The following ALPK2 variants were observed in gnomAD, a reference collection of about 807,000 sequenced individuals.
The protein encoded by ALPK2 is alpha-protein kinase 2.
A neutral mutation model predicts 163.1 loss-of-function variants in ALPK2; 127 were observed. The ratio of observed to expected loss-of-function variants is 0.78; its 90% confidence interval spans 0.67 to 0.90. ALPK2 has a LOEUF of 0.90. ALPK2 is among the 40% of genes least tolerant of loss of function. The probability of loss-of-function intolerance (pLI) is 0.00; values close to 1 mark genes in which losing one functional copy is unlikely to be tolerated. For missense variants in ALPK2, 2,360 were observed against 2,589.6 expected (o/e 0.91, Z 1.92); for synonymous variants, 953 against 959.1 (o/e 0.99, Z 0.12).
At chr18:58,538,446 A>G (rs2051669918) in intron 4 of ALPK2, 1 of 492,714 alleles carries the variant, frequency 2.0e-6, no homozygotes, top group South Asian at 3.8e-5. Context: ...TGTCAAATTC[A>G]TCATTATAAG....
intron 12 of ALPK2, among the ~76,000 whole-genome samples, chr18:58,494,344 C>A (rs2051390771): frequency 6.6e-6 from 1 of 151,928 alleles, no homozygotes; most frequent in Admixed American, 6.6e-5. Flanking sequence ...TCTCTGGCTC[C>A]CAAGAGAAAT....
chr18:58,579,939 T>C lies in ALPK2; in HGVS notation c.837A>G (p.Ala279=). The change falls in exon 4 of 13, where the codon GCA becomes GCG. Residue 279 remains alanine, a synonymous_variant. Transcript: ENST00000361673. ...YISFSLPLSE[A]TAHIYPGDSA... ...TGTCACCTGGGTAAATGTGTGCAGTTGCCTCAGATAGCGGGAGGCTGAAGC... is the reference window on the plus strand; with the variant it reads ...TGTCACCTGGGTAAATGTGTGCAGTCGCCTCAGATAGCGGGAGGCTGAAGC... 6.2e-7 allele frequency: 1 copy of C among 1,614,212 alleles called. No individual in the cohort carries two copies. Among genetic ancestry groups the C allele is most frequent in the Non-Finnish European group, 8.5e-7 (1 of 1,180,040 alleles).
intron 4 of ALPK2, among the ~76,000 whole-genome samples, chr18:58,550,442 T>TCC: frequency 7.2e-6 from 1 of 138,974 alleles, no homozygotes; most frequent in Non-Finnish European, 1.5e-5. Flanking sequence ...TACCCCCATC[T>TCC]ATATCATATA....
At chr18:58,504,854 A>AG (rs1287140414) in intron 10 of ALPK2, among the ~76,000 whole-genome samples, 2 of 152,084 alleles carry the variant, frequency 1.3e-5, no homozygotes, top group African/African-American at 4.8e-5. Flanking sequence ...ATAGGAAGTG[A>AG]GGGGAGCCAT....
At chr18:58,559,132 G>C (rs992759162) in intron 4 of ALPK2, among the ~76,000 whole-genome samples, 1 of 152,176 alleles carries the variant, frequency 6.6e-6, no homozygotes, top group African/African-American at 2.4e-5. Context: ...ATTAGTGATG[G>C]TATATAATCT....
intron 5 of ALPK2, among the ~76,000 whole-genome samples, chr18:58,532,151 T>C (rs1309093723): frequency 6.6e-6 from 1 of 152,090 alleles, no homozygotes; most frequent in Non-Finnish European, 1.5e-5. Context: ...AAATAACATG[T>C]CCTTAATAAA....
chr18:58,491,656 C>A (rs893242538), intron 12 of ALPK2, among the ~76,000 whole-genome samples: 1 of 152,158 alleles, frequency 6.6e-6, no homozygotes, highest in Non-Finnish European at 1.5e-5. Context: ...CCCCCAATCC[C>A]CAAATTTTCA....
At chr18:58,626,210 C>G (rs761849404) in intron 1 of ALPK2, among the ~76,000 whole-genome samples, 3 of 152,130 alleles carry the variant, frequency 2.0e-5, no homozygotes, top group Non-Finnish European at 2.9e-5. Context: ...AGAAAGATGT[C>G]TGATAAAGTT....
intron 11 of ALPK2, among the ~76,000 whole-genome samples, chr18:58,502,499 C>T (rs1056426193): frequency 2.6e-5 from 4 of 152,228 alleles, no homozygotes; most frequent in Non-Finnish European, 4.4e-5. Context: ...AATTTGCCCA[C>T]AGGCTACCAG....
At chr18:58,482,351 C>A (rs752182321) in intron 12 of ALPK2, among the ~76,000 whole-genome samples, 1 of 152,146 alleles carries the variant, frequency 6.6e-6, no homozygotes, top group East Asian at 1.9e-4. Flanking sequence ...GCCACAATGA[C>A]CAGTGCTGGG....
chr18:58,489,071 C>A (rs919430927), intron 12 of ALPK2, among the ~76,000 whole-genome samples: 1 of 152,100 alleles, frequency 6.6e-6, no homozygotes, highest in Non-Finnish European at 1.5e-5. Flanking sequence ...CACATCTCAG[C>A]GGGAGGAAGT....
In ALPK2 at chr18:58,591,545, G is replaced by A. The variant is rs528240151; in HGVS notation, c.228-10997C>T. On this transcript the variant is annotated intron_variant, in intron 3 of 12. Coordinates refer to ENST00000361673, the MANE Select transcript of ALPK2 (RefSeq NM_052947.4). ...GGATTCAGGTGTTGGGGGCATGCAA[G>A]ATAATGAAGGGAGGTTTCCTGGGGA... 3.9e-5 allele frequency among the ~76,000 whole-genome samples: 6 copies of A among 152,296 alleles called. No homozygotes were observed. In the East Asian group the frequency reaches 1.2e-3, roughly 29 times the overall value.
At chr18:58,550,778 A>G (rs1197416720) in intron 4 of ALPK2, among the ~76,000 whole-genome samples, 3 of 150,886 alleles carry the variant, frequency 2.0e-5, no homozygotes, top group African/African-American at 7.3e-5. Context: ...ATCATGTACA[A>G]CCCCATCCAC....
chr18:58,550,221 G>A lies in ALPK2; in HGVS notation c.1963-11997C>T, dbSNP rs1373403756. On this transcript the variant is annotated intron_variant, in intron 4 of 12. Transcript: ENST00000361673. ...TTTCCACAGCACAACCCTTATCTAT[G>A]CCTCTCTCACAGTACAACCCACATT... Among the ~76,000 whole-genome samples the A allele has an allele frequency of 2.6e-5, 4 of 151,554 alleles. No homozygotes were observed. The East Asian group carries it at 7.7e-4, about 29-fold the overall frequency.
intron 4 of ALPK2, among the ~76,000 whole-genome samples, chr18:58,554,487 C>T (rs1213985988): frequency 6.6e-6 from 1 of 152,226 alleles, no homozygotes; most frequent in African/African-American, 2.4e-5. Flanking sequence ...CAGACAGTAG[C>T]ATCGCGGAGT....
intron 4 of ALPK2, among the ~76,000 whole-genome samples, chr18:58,548,384 G>C (rs144400980): frequency 6.6e-6 from 1 of 150,990 alleles, no homozygotes; most frequent in African/African-American, 2.4e-5. Flanking sequence ...ACAGTGGTGC[G>C]ATCTCGGCTT....
At chr18:58,526,066 C>T (rs2144135394) in intron 6 of ALPK2, among the ~76,000 whole-genome samples, 1 of 151,128 alleles carries the variant, frequency 6.6e-6, no homozygotes, top group East Asian at 1.9e-4. Context: ...CTGTAGAAAG[C>T]AGTAACAAGT....
intron 4 of ALPK2, among the ~76,000 whole-genome samples, chr18:58,553,654 T>C (rs1272577627): frequency 1.3e-5 from 2 of 152,068 alleles, no homozygotes; most frequent in Non-Finnish European, 2.9e-5. Flanking sequence ...CTGATGGTTT[T>C]CTAAGGGCCT....
At chr18:58,540,194 T>C (rs1261641717) in intron 4 of ALPK2, among the ~76,000 whole-genome samples, 1 of 152,208 alleles carries the variant, frequency 6.6e-6, no homozygotes, top group East Asian at 1.9e-4. Context: ...GTTGAGAGAA[T>C]GAATAAATGA....
Sources: allele counts gnomAD v4.1 joint callset (sites outside exome capture counted in the v4.1 genomes callset), GRCh38; gene constraint gnomAD v4.1.1; transcripts MANE v1.5; gene names NCBI Gene and HGNC (gene_info 2026-07-23, HGNC 2026-07-21).